RIMS2: variants seen among roughly 807,000 people sequenced by gnomAD.
RIMS2 encodes regulating synaptic membrane exocytosis protein 2.
Under a neutral mutation model 174.4 loss-of-function variants are expected in RIMS2, and 59 were observed. The observed-to-expected ratio is 0.34, with a 90% CI of 0.27 to 0.42. RIMS2 has a LOEUF of 0.42. Among genes scored for constraint, RIMS2 ranks in the 10% least tolerant of loss-of-function variants. RIMS2 has a pLI of 1.00. For synonymous variants in RIMS2, 606 were observed against 572.5 expected (o/e 1.06, Z -0.84); for missense variants, 1,620 against 1,666.3 (o/e 0.97, Z 0.48).
At chr8:103,875,774 T>A (rs2099133360) in intron 3 of RIMS2, among the ~76,000 whole-genome samples, 1 of 152,076 alleles carries the variant, frequency 6.6e-6, no homozygotes, top group Non-Finnish European at 1.5e-5. Context: ...CAACATCTAT[T>A]GTTTTCTGAC....
At chr8:104,013,528 C>A in exon 18 of RIMS2, 1 of 1,613,854 alleles carries the variant, frequency 6.2e-7, no homozygotes, top group Non-Finnish European at 8.5e-7. Flanking sequence ...ACCACCCGCT[C>A]CAGATCCACT....
rs116405368 is a variant in RIMS2 at position 103,845,940 on chromosome 8, T to C, written c.699-39358T>C. Among the ~76,000 whole-genome samples, 196 of 152,294 alleles carry C rather than the reference T, an allele frequency of 1.3e-3. 2 individuals are homozygous for C. Among genetic ancestry groups the C allele is most frequent in the African/African-American group, 4.4e-3 (183 of 41,568 alleles). On this transcript the variant is annotated intron_variant, in intron 3 of 23. Transcript: ENST00000504942. ...AAAAGATGCTAAGGATCTCTATTCT[T>C]GAAGAACGTAATACTTACTGGTGAC...
chr8:103,822,451 G>T (rs974242158), intron 3 of RIMS2, among the ~76,000 whole-genome samples: 4 of 151,728 alleles, frequency 2.6e-5, no homozygotes, highest in African/African-American at 7.3e-5. Flanking sequence ...CCAAAGTGGA[G>T]ATTAATATAG....
intron 19 of RIMS2, among the ~76,000 whole-genome samples, chr8:104,111,514 TCTC>T (rs2098183107): frequency 6.6e-6 from 1 of 152,192 alleles, no homozygotes; most frequent in Admixed American, 6.5e-5. Context: ...TTCAAGTGAT[TCTC>T]CTGCCTCAGC....
intron 3 of RIMS2, among the ~76,000 whole-genome samples, chr8:103,854,946 T>C (rs1349388991): frequency 6.6e-6 from 1 of 152,122 alleles, no homozygotes; most frequent in Non-Finnish European, 1.5e-5. Flanking sequence ...TTAGTTCTTC[T>C]TTGTATAACT....
intron 19 of RIMS2, among the ~76,000 whole-genome samples, chr8:104,018,574 C>T (rs1269828486): frequency 6.6e-6 from 1 of 152,134 alleles, no homozygotes; most frequent in Admixed American, 6.5e-5. Flanking sequence ...CTACCCTTTA[C>T]CCAGCTTTAC....
intron 4 of RIMS2, among the ~76,000 whole-genome samples, chr8:103,908,331 A>G (rs1293784168): frequency 6.6e-6 from 1 of 152,186 alleles, no homozygotes; most frequent in Non-Finnish European, 1.5e-5. Flanking sequence ...GTGAGCCACC[A>G]TGCCTGGCCA....
intron 2 of RIMS2, among the ~76,000 whole-genome samples, chr8:103,698,310 T>C (rs2097130576): frequency 6.6e-6 from 1 of 152,172 alleles, no homozygotes; most frequent in Non-Finnish European, 1.5e-5. Flanking sequence ...GACGTTCCAT[T>C]GTATTGTTCT....
At chr8:103,829,086 GT>G (rs34072454) in intron 3 of RIMS2, among the ~76,000 whole-genome samples, 34,289 of 134,534 alleles carry the variant, frequency 0.25, 3,550 homozygotes, top group African/African-American at 0.29. Flanking sequence ...TTAATAATAG[GT>G]TTTTTTTTTT....
At chr8:103,967,850 G>C (rs1443281808) in intron 15 of RIMS2, among the ~76,000 whole-genome samples, 1 of 116,570 alleles carries the variant, frequency 8.6e-6, no homozygotes, top group Non-Finnish European at 1.9e-5. Flanking sequence ...ACCTACTCCT[G>C]CTTTTTTTTT....
chr8:103,894,190 A>AT (rs2099264157), intron 4 of RIMS2, among the ~76,000 whole-genome samples: 1 of 150,834 alleles, frequency 6.6e-6, no homozygotes, highest in African/African-American at 2.5e-5. Context: ...TGGTAAAGTT[A>AT]TTTCAACAAT....
chr8:103,578,672 A>G (rs565769160), intron 1 of RIMS2, among the ~76,000 whole-genome samples: 1 of 152,252 alleles, frequency 6.6e-6, no homozygotes, highest in South Asian at 2.1e-4. Flanking sequence ...AACATTTTCA[A>G]AGTGCTGAAG....
At chr8:103,539,700 T>C (rs1436231324) in intron 1 of RIMS2, among the ~76,000 whole-genome samples, 1 of 152,078 alleles carries the variant, frequency 6.6e-6, no homozygotes, top group African/African-American at 2.4e-5. Context: ...TGTATATTCT[T>C]CTCCTGCCCA....
chr8:103,516,585 A>G (rs1829084538), intron 1 of RIMS2, among the ~76,000 whole-genome samples: 2 of 152,206 alleles, frequency 1.3e-5, no homozygotes, highest in Non-Finnish European at 2.9e-5. Context: ...AATACAAACA[A>G]TAAAAAGATT....
At chr8:103,892,897 C>T (rs2099255256) in intron 4 of RIMS2, among the ~76,000 whole-genome samples, 1 of 151,912 alleles carries the variant, frequency 6.6e-6, no homozygotes, top group Non-Finnish European at 1.5e-5. Context: ...AAGCTTTAAA[C>T]ATTTGATGAT....
At chr8:103,955,107 A>G (rs1005689396) in intron 14 of RIMS2, among the ~76,000 whole-genome samples, 5 of 152,178 alleles carry the variant, frequency 3.3e-5, no homozygotes, top group Non-Finnish European at 7.4e-5. Flanking sequence ...GCAGCAATTA[A>G]TAGCCTACCC....
chr8:103,807,801 C>T (rs1282800538), intron 3 of RIMS2, among the ~76,000 whole-genome samples: 1 of 152,000 alleles, frequency 6.6e-6, no homozygotes, highest in African/African-American at 2.4e-5. Flanking sequence ...TCTATTTTCA[C>T]ATTTGGTGCT....
chr8:103,680,714 A>G (rs1177699143), intron 1 of RIMS2, among the ~76,000 whole-genome samples: 1 of 152,062 alleles, frequency 6.6e-6, no homozygotes, highest in Non-Finnish European at 1.5e-5. Flanking sequence ...TAGGCAGTTC[A>G]TCGGAAGGGC....
intron 1 of RIMS2, among the ~76,000 whole-genome samples, chr8:103,654,674 C>T (rs939724242): frequency 1.3e-5 from 2 of 151,844 alleles, no homozygotes; most frequent in Admixed American, 6.6e-5. Context: ...ACTCTCTATT[C>T]GGATTTATAA....
Sources: allele counts gnomAD v4.1 joint callset (sites outside exome capture counted in the v4.1 genomes callset), GRCh38; gene constraint gnomAD v4.1.1; transcripts MANE v1.5; gene names NCBI Gene and HGNC (gene_info 2026-07-23, HGNC 2026-07-21).